Variants in TBCD observed in about 807,000 individuals in gnomAD.
TBCD encodes tubulin folding cofactor D.
A neutral mutation model predicts 169.3 loss-of-function variants in TBCD; 105 were observed. The observed-to-expected ratio is 0.62, with a 90% CI of 0.53 to 0.73. The LOEUF (loss-of-function observed/expected upper bound fraction) is 0.73, where lower values mean the gene tolerates loss of function less well. TBCD is among the 30% of genes least tolerant of loss of function. The pLI, the probability that TBCD is intolerant of heterozygous loss-of-function variation, is 0.00. For synonymous variants in TBCD, 700 were observed against 643.9 expected (o/e 1.09, Z -1.32); for missense variants, 1,444 against 1,600.1 (o/e 0.90, Z 1.66).
chr17:82,876,949 C>G, intron 14 of TBCD: 1 of 985,410 alleles, frequency 1.0e-6, no homozygotes, highest in African/African-American at 1.7e-5. Flanking sequence ...TTGAAGTGGA[C>G]TGAACAACAG....
At chr17:82,852,142 C>G (rs1273464052) in intron 13 of TBCD, among the ~76,000 whole-genome samples, 1 of 136,172 alleles carries the variant, frequency 7.3e-6, no homozygotes, top group African/African-American at 2.6e-5. Context: ...CCCAACCCCC[C>G]CGACAGATGG....
intron 15 of TBCD, among the ~76,000 whole-genome samples, chr17:82,887,129 C>CTGTGTGTG (rs1491345032): frequency 1.1e-4 from 7 of 66,212 alleles, no homozygotes; most frequent in Non-Finnish European, 1.7e-4. Flanking sequence ...TTTACCTGTA[C>CTGTGTGTG]TCTGTGTGTG....
intron 13 of TBCD, among the ~76,000 whole-genome samples, chr17:82,849,945 G>GC (rs1231864500): frequency 2.0e-4 from 30 of 150,894 alleles, no homozygotes; most frequent in African/African-American, 6.6e-4. Context: ...TGGCTGTGCT[G>GC]TTGTTGCCTG....
At chr17:82,853,943 C>T (rs1716254425) in intron 13 of TBCD, among the ~76,000 whole-genome samples, 1 of 152,036 alleles carries the variant, frequency 6.6e-6, no homozygotes, top group African/African-American at 2.4e-5. Flanking sequence ...GCCCCCAACC[C>T]AGTCCCATTC....
At chr17:82,865,026 C>T (rs1733506695) in intron 13 of TBCD, among the ~76,000 whole-genome samples, 1 of 152,214 alleles carries the variant, frequency 6.6e-6, no homozygotes, top group Admixed American at 6.5e-5. Flanking sequence ...ATGAGGCCAG[C>T]TGCTGCTCCC....
chr17:82,925,905 G>A (rs1001615347), intron 27 of TBCD, among the ~76,000 whole-genome samples: 4 of 150,598 alleles, frequency 2.7e-5, no homozygotes, highest in African/African-American at 9.7e-5. Flanking sequence ...GTGGGGGCTG[G>A]CCGTGGAGAG....
intron 20 of TBCD, 56 bp downstream of exon 20, chr17:82,906,109 T>C (rs2060232241): frequency 7.4e-7 from 1 of 1,356,072 alleles, no homozygotes; most frequent in Non-Finnish European, 1.0e-6. Context: ...CCCCTCACCA[T>C]GTAATCACAG....
intron 33 of TBCD, among the ~76,000 whole-genome samples, chr17:82,931,637 C>T (rs780218616): frequency 3.9e-5 from 6 of 152,224 alleles, no homozygotes; most frequent in Non-Finnish European, 7.3e-5. Flanking sequence ...GGTAGAGCTG[C>T]AGGCAGTCTG....
chr17:82,853,781 A>C (rs1456145918), intron 13 of TBCD, among the ~76,000 whole-genome samples: 1 of 151,834 alleles, frequency 6.6e-6, no homozygotes, highest in African/African-American at 2.4e-5. Context: ...TGCATTTTAG[A>C]TGTATGTTGA....
intron 13 of TBCD, among the ~76,000 whole-genome samples, chr17:82,857,647 G>A (rs1283015175): frequency 6.6e-6 from 1 of 151,388 alleles, no homozygotes; most frequent in Non-Finnish European, 1.5e-5. Flanking sequence ...GTAACGTATT[G>A]TTGAATGACA....
chr17:82,887,179 G>A lies in TBCD; in HGVS notation c.1534-2489G>A, dbSNP rs1028476187. ...TGTGTGTGTGTGTGTGCGCGCGCGC[G>A]CACGTGCGCTCACGCGTTTACTTCT... On this transcript the variant is annotated intron_variant, in intron 15 of 38. Coordinates refer to ENST00000355528, the MANE Select transcript of TBCD (RefSeq NM_005993.5). Among the ~76,000 whole-genome samples, 4 of 76,910 alleles carry A rather than the reference G, an allele frequency of 5.2e-5. No homozygotes were observed. In the East Asian group the frequency reaches 8.6e-4, roughly 16 times the overall value. 50.5% of individuals were successfully genotyped at this position (76,910 alleles called of 152,430 possible).
intron 13 of TBCD, among the ~76,000 whole-genome samples, chr17:82,860,943 T>C (rs1599004616): frequency 6.6e-6 from 1 of 152,174 alleles, no homozygotes; most frequent in Non-Finnish European, 1.5e-5. Context: ...GGACACAGGG[T>C]GGCCAGGGAC....
chr17:82,809,285 T>C (rs2051249499), intron 11 of TBCD, among the ~76,000 whole-genome samples: 1 of 152,078 alleles, frequency 6.6e-6, no homozygotes, highest in South Asian at 2.1e-4. Context: ...GCGGCCTCCA[T>C]GTGGGGCCGT....
rs779096709 is a variant in TBCD, at chr17:82,927,145, C to T, written c.2472-41C>T. The T allele has an allele frequency of 3.7e-6, 6 of 1,611,988 alleles. No individual in the cohort carries two copies. The East Asian group carries it at 8.9e-5, about 24-fold the overall frequency. ...CCTCTGCGATGTGGAAGATGAGGCT[C>T]ACCGATGTTTGTTTGTTAGCTCACA... On this transcript the variant is annotated intron_variant, in intron 28 of 38. Coordinates refer to ENST00000355528, the MANE Select transcript of TBCD (RefSeq NM_005993.5).
chr17:82,783,192 T>C (rs1416546035), intron 7 of TBCD, among the ~76,000 whole-genome samples: 5 of 152,172 alleles, frequency 3.3e-5, no homozygotes, highest in Admixed American at 3.3e-4. Context: ...TTCCCGGTCA[T>C]GCTGCCGTGG....
intron 14 of TBCD, among the ~76,000 whole-genome samples, chr17:82,872,499 C>T (rs6502009): frequency 0.56 from 85,913 of 152,086 alleles, 24,546 homozygotes; most frequent in East Asian, 0.71. Context: ...GGCCCTGCCG[C>T]GTGCCTGTGC....
intron 12 of TBCD, among the ~76,000 whole-genome samples, chr17:82,811,262 C>G (rs530642240): frequency 1.3e-5 from 2 of 152,346 alleles, no homozygotes; most frequent in African/African-American, 4.8e-5. Context: ...CTTTGCCTCT[C>G]TCCTCCAGCC....
intron 13 of TBCD, among the ~76,000 whole-genome samples, chr17:82,855,579 C>T (rs988092544): frequency 6.6e-6 from 1 of 152,028 alleles, no homozygotes; most frequent in African/African-American, 2.4e-5. Flanking sequence ...GGTGTTTGCT[C>T]TTAAAAAGTC....
chr17:82,864,523 C>T lies in TBCD; in HGVS notation c.1319-5701C>T, dbSNP rs1011259505. 2 of 152,292 alleles carry T rather than the reference C, an allele frequency of 1.3e-5. No homozygotes were observed. Among genetic ancestry groups the T allele is most frequent in the African/African-American group, 2.4e-5 (1 of 41,452 alleles). 9.4% of individuals were successfully genotyped at this position (152,292 alleles called of 1,614,324 possible). A position where few individuals can be genotyped will look rare whatever the true frequency, so the allele number is the denominator to read the frequency against. ...TACACCTGGCCTGGCCTGCGTGCCT[C>T]ACGTGTGGTGGGGATTTGTGACTGT... On this transcript the variant is annotated intron_variant, in intron 13 of 38. Coordinates refer to ENST00000355528, the MANE Select transcript of TBCD (RefSeq NM_005993.5). The surrounding 1 kb of genome is among the most constrained non-coding windows in gnomAD (Gnocchi z 6.3).
Sources: gnomAD v4.1 joint callset for allele counts (sites outside exome capture counted in the v4.1 genomes callset) on GRCh38, gnomAD v4.1.1 for gene constraint, Gnocchi (gnomAD v3.1) non-coding constraint, MANE v1.5 for transcripts, NCBI Gene and HGNC (gene_info 2026-07-23, HGNC 2026-07-21) for gene names.